Variants in APP observed in about 807,000 individuals in gnomAD.
The protein encoded by APP is amyloid beta precursor protein.
In APP, 31 loss-of-function variants were observed where a neutral mutation model predicts 101.4. The ratio of observed to expected loss-of-function variants is 0.31; its 90% CI spans 0.23 to 0.41. The LOEUF (loss-of-function observed/expected upper bound fraction) is 0.41, where lower values mean the gene tolerates loss of function less well. Among genes scored for constraint, APP ranks in the 10% least tolerant of loss-of-function variants. The probability of loss-of-function intolerance (pLI) is 1.00; values close to 1 mark genes in which losing one functional copy is unlikely to be tolerated. For synonymous variants in APP, 366 were observed against 364.4 expected, an observed-to-expected ratio of 1.00 and a Z score of -0.05; for missense variants, 839 against 1,003.7, an observed-to-expected ratio of 0.84 and a Z score of 2.22.
At chr21:25,996,756 C>T (rs1352071013) in intron 8 of APP, among the ~76,000 whole-genome samples, 7 of 152,228 alleles carry the variant, frequency 4.6e-5, no homozygotes, top group African/African-American at 2.4e-5. Flanking sequence ...GTGCGGGATG[C>T]GCCAGCCCAC....
At position 26,127,476 on chromosome 21, in the gene APP, T is replaced by C. The variant is rs555364909; in HGVS notation, c.58-15330A>G. On this transcript the variant is annotated intron_variant, in intron 1 of 17. Coordinates refer to ENST00000346798, the MANE Select transcript of APP (RefSeq NM_000484.4). The stretch of plus-strand genomic sequence containing the variant: ...AAATCAAAAGCCCTATGAAAATATA[T>C]AACTAAAAAAATTATTGCTAGAAAC... Among the ~76,000 whole-genome samples, 8 of 152,258 alleles carry C rather than the reference T, an allele frequency of 5.3e-5. No individual in the cohort carries two copies. The South Asian group carries it at 1.5e-3, about 28-fold the overall frequency.
At chr21:26,085,002 T>C (rs1008460185) in intron 3 of APP, among the ~76,000 whole-genome samples, 1 of 152,212 alleles carries the variant, frequency 6.6e-6, no homozygotes, top group Non-Finnish European at 1.5e-5. Flanking sequence ...TCATAGTCTA[T>C]CTTTTGCTGA....
At chr21:26,110,092 A>C (rs1409896221) in intron 2 of APP, among the ~76,000 whole-genome samples, 2 of 152,212 alleles carry the variant, frequency 1.3e-5, no homozygotes, top group Non-Finnish European at 2.9e-5. Flanking sequence ...ACCCAGGCAA[A>C]AGCTGATTTA....
chr21:26,120,918 T>C (rs1168141536), intron 1 of APP, among the ~76,000 whole-genome samples: 3 of 152,182 alleles, frequency 2.0e-5, no homozygotes, highest in Non-Finnish European at 4.4e-5. Context: ...GCTACTGCAA[T>C]CACACTCCAT....
In APP at chr21:26,054,634, T is replaced by G. The variant is rs867275850; in HGVS notation, c.356-1286A>C. On this transcript the variant is annotated intron_variant, in intron 3 of 17. Transcript: ENST00000346798. The stretch of plus-strand genomic sequence containing the variant: ...ATAGGCCAAAAGTTTTTTTTTTTTT[T>G]TTTTTTTTTTTAAGATAGACTCTAT... 1.7e-3 allele frequency among the ~76,000 whole-genome samples: 229 copies of G among 133,492 alleles called. 1 individual carries two copies. Among genetic ancestry groups the G allele is most frequent in the African/African-American group, 4.3e-3 (168 of 39,092 alleles). The allele number at this position is 133,492 out of a possible 152,430, so 87.6% of individuals were successfully genotyped here.
intron 6 of APP, among the ~76,000 whole-genome samples, chr21:26,002,505 T>C (rs2043343651): frequency 6.8e-6 from 1 of 146,658 alleles, no homozygotes; most frequent in African/African-American, 2.5e-5. Context: ...AATGTGTACA[T>C]ATTCATGTCA....
intron 1 of APP, among the ~76,000 whole-genome samples, chr21:26,149,881 C>T (rs1214393045): frequency 6.6e-6 from 1 of 152,156 alleles, no homozygotes; most frequent in Admixed American, 6.5e-5. Flanking sequence ...TTTGTAAGCT[C>T]ATGTGCTTCT....
intron 12 of APP, 143 bp from the exon 13 acceptor site, chr21:25,954,832 A>G: frequency 1.6e-6 from 1 of 627,530 alleles, no homozygotes; most frequent in Non-Finnish European, 2.6e-6. Context: ...GCAGGTAGAT[A>G]CAAACTTCCA....
chr21:26,046,475 A>G (rs555859347), intron 5 of APP, among the ~76,000 whole-genome samples: 5 of 152,168 alleles, frequency 3.3e-5, no homozygotes, highest in African/African-American at 1.2e-4. Flanking sequence ...CTTAATGAAA[A>G]TAAGACACGG....
At position 26,112,146 on chromosome 21, in the gene APP, C is replaced by T. The variant is rs140350218; in HGVS notation, c.58G>A (p.Val20Ile). The change falls in exon 2 of 18, where the codon GTA becomes ATA. Residue 20 changes from valine to isoleucine, a missense_variant and splice_region_variant. Physicochemically the swap from Val to Ile is conservative, Grantham distance 29. Coordinates refer to ENST00000346798, the MANE Select transcript of APP (RefSeq NM_000484.4). Reference protein sequence around the residue: ...LAAWTARALEVPTDGNAGLLA... With the variant: ...LAAWTARALEIPTDGNAGLLA... ...AGGCCAGCATTACCATCAGTGGGTA[C>T]CTGAAAGAAGAAGCTTCAGTTAGTT... 4 of 1,613,786 alleles carry T rather than the reference C, an allele frequency of 2.5e-6. No individual in the cohort carries two copies. The highest frequency in any genetic ancestry group is 4.5e-5 in the East Asian group (2 of 44,874).
chr21:26,155,168 T>G (rs563650618), intron 1 of APP, among the ~76,000 whole-genome samples: 57 of 152,254 alleles, frequency 3.7e-4, no homozygotes, highest in Middle Eastern at 3.4e-3. Context: ...GGAAAACTGC[T>G]TGAACCCAGG....
At chr21:25,992,211 T>G (rs1033471962) in intron 8 of APP, among the ~76,000 whole-genome samples, 2 of 152,042 alleles carry the variant, frequency 1.3e-5, no homozygotes, top group Non-Finnish European at 2.9e-5. Context: ...GGTGAAACCC[T>G]ATCTCTACTA....
intron 3 of APP, among the ~76,000 whole-genome samples, chr21:26,060,963 C>CA (rs2046244199): frequency 6.6e-6 from 1 of 152,162 alleles, no homozygotes; most frequent in African/African-American, 2.4e-5. Flanking sequence ...GGCCAGTACT[C>CA]AGAGTAATGC....
intron 11 of APP, among the ~76,000 whole-genome samples, chr21:25,959,238 G>C (rs1443443403): frequency 6.6e-6 from 1 of 152,198 alleles, no homozygotes; most frequent in Non-Finnish European, 1.5e-5. Flanking sequence ...TTCCAGACCA[G>C]CCTGGCCAAC....
At chr21:26,138,558 T>C (rs1279646946) in intron 1 of APP, among the ~76,000 whole-genome samples, 2 of 149,068 alleles carry the variant, frequency 1.3e-5, no homozygotes, top group African/African-American at 4.9e-5. Context: ...CCAGGCATGG[T>C]GTTCCTCTCC....
At chr21:26,115,755 G>A (rs2062421395) in intron 1 of APP, among the ~76,000 whole-genome samples, 1 of 151,974 alleles carries the variant, frequency 6.6e-6, no homozygotes, top group African/African-American at 2.4e-5. Context: ...CCTGAAATCT[G>A]GCAGGTATTT....
At chr21:25,983,066 T>C (rs9305271) in intron 8 of APP, among the ~76,000 whole-genome samples, 36,785 of 152,114 alleles carry the variant, frequency 0.24, 4,908 homozygotes, top group East Asian at 0.43. Context: ...GACTTTTCTG[T>C]CTTCATAAAT....
chr21:25,994,387 C>A (rs1412930125), intron 8 of APP, among the ~76,000 whole-genome samples: 1 of 151,822 alleles, frequency 6.6e-6, no homozygotes, highest in African/African-American at 2.4e-5. Flanking sequence ...AGCTCTCAGC[C>A]TTATATTTGT....
chr21:25,892,950 A>T (rs574864903), intron 16 of APP, among the ~76,000 whole-genome samples: 28 of 39,732 alleles, frequency 7.0e-4, no homozygotes, highest in Non-Finnish European at 1.1e-3. Flanking sequence ...GATAGTATTT[A>T]AAAAAAAAAA....
Sources: gnomAD v4.1 joint callset for allele counts (sites outside exome capture counted in the v4.1 genomes callset) on GRCh38, gnomAD v4.1.1 for gene constraint, MANE v1.5 for transcripts, NCBI Gene and HGNC (gene_info 2026-07-23, HGNC 2026-07-21) for gene names.